SELENOT: variants seen among roughly 807,000 people sequenced by gnomAD.
The protein encoded by SELENOT is thioredoxin reductase-like selenoprotein T.
Under a neutral mutation model 24.3 loss-of-function variants are expected in SELENOT, and 9 were observed. That is an observed-to-expected ratio of 0.37 (90% confidence interval 0.22 to 0.65). The LOEUF is 0.65. SELENOT is among the 30% of genes least tolerant of loss of function. The pLI is 0.60. For missense variants in SELENOT, 166 were observed against 247.6 expected (o/e 0.67, Z 2.21); for synonymous variants, 81 against 86.0 (o/e 0.94, Z 0.32).
At position 150,628,042 on chromosome 3, in the gene SELENOT, T is replaced by C. The variant is rs917868673; in HGVS notation, c.*413T>C. The C allele has an allele frequency of 2.6e-5, 4 of 152,318 alleles. No homozygotes were observed. The highest frequency in any genetic ancestry group is 7.2e-5 in the African/African-American group (3 of 41,572). 9.4% of individuals were successfully genotyped at this position (152,318 alleles called of 1,614,324 possible). A position where few individuals can be genotyped will look rare whatever the true frequency, so the allele number is the denominator to read the frequency against. ...TGTGCTTTTATATGAATATTTGTTT[T>C]TTATAGTTTAAAATTGATCCTTTGG... On this transcript the variant is annotated 3_prime_UTR_variant, in exon 6 of 6. Coordinates refer to ENST00000471696, the MANE Select transcript of SELENOT (RefSeq NM_016275.5).
At chr3:150,610,756 G>A (rs1286670630) in intron 1 of SELENOT, among the ~76,000 whole-genome samples, 1 of 152,176 alleles carries the variant, frequency 6.6e-6, no homozygotes, top group Non-Finnish European at 1.5e-5. Context: ...GTATCCAAAT[G>A]CTGTTAACAT....
rs1726383082 is a variant in SELENOT at position 150,623,456 on chromosome 3, A to G, written c.375+287A>G. Reference sequence around the variant, plus strand: ...AATAATTTGTTATCTGATTTTGATTATATTACTTAGGTCAAATCATATCCA... The same window carrying G: ...AATAATTTGTTATCTGATTTTGATTGTATTACTTAGGTCAAATCATATCCA... On this transcript the variant is annotated intron_variant, in intron 3 of 5. Transcript: ENST00000471696. Among the ~76,000 whole-genome samples the G allele has an allele frequency of 2.0e-5, 3 of 152,242 alleles. No individual in the cohort carries two copies. In the South Asian group the frequency reaches 6.2e-4, roughly 32 times the overall value.
Position 150,605,511 on chromosome 3 carries a change from T to G in SELENOT, c.137+2012T>G, listed in dbSNP as rs551871959. The stretch of plus-strand genomic sequence containing the variant: ...TACTTTGTTTTTCTTTGTTTTTAAG[T>G]ACAGACCTGTCCCAAAAGTCTAATA... On this transcript the variant is annotated intron_variant, in intron 1 of 5. Coordinates refer to ENST00000471696, the MANE Select transcript of SELENOT (RefSeq NM_016275.5). Among the ~76,000 whole-genome samples the G allele has an allele frequency of 8.5e-5, 13 of 152,312 alleles. 1 individual carries two copies. The South Asian group carries it at 2.7e-3, about 32-fold the overall frequency.
intron 5 of SELENOT, among the ~76,000 whole-genome samples, chr3:150,627,372 T>A (rs1726467738): frequency 6.6e-6 from 1 of 152,242 alleles, no homozygotes; most frequent in African/African-American, 2.4e-5. Flanking sequence ...CTTCAAGGCT[T>A]AATGATTGGG....
intron 4 of SELENOT, 107 bp from the exon 5 acceptor site, chr3:150,626,903 A>T: frequency 6.1e-6 from 7 of 1,155,556 alleles, no homozygotes; most frequent in Admixed American, 5.6e-5. Flanking sequence ...TTTTTTGCCT[A>T]CTTTTGTATC....
Position 150,614,085 on chromosome 3 carries a change from C to G in SELENOT, c.138-8300C>G, listed in dbSNP as rs554697324. ...TGAACAGTTTTGAGTAGTGGCACCA[C>G]AGTGCCAGAAAAAGATAAACTGGGC... On this transcript the variant is annotated intron_variant, in intron 1 of 5. Transcript: ENST00000471696. Among the ~76,000 whole-genome samples, 12 of 151,956 alleles carry G rather than the reference C, an allele frequency of 7.9e-5. No individual in the cohort carries two copies. The East Asian group carries it at 2.1e-3, about 27-fold the overall frequency.
At chr3:150,604,262 G>T (rs1725908440) in intron 1 of SELENOT, among the ~76,000 whole-genome samples, 1 of 152,138 alleles carries the variant, frequency 6.6e-6, no homozygotes, top group Admixed American at 6.5e-5. Context: ...GGCAGTTTTC[G>T]ACAGTGTTCT....
chr3:150,611,737 C>T, intron 1 of SELENOT: 1 of 1,514,324 alleles, frequency 6.6e-7, no homozygotes, highest in East Asian at 2.3e-5. Flanking sequence ...AGGAGCCCGG[C>T]CTGGCCGCCC....
Position 150,603,408 on chromosome 3 carries a change from C to T in SELENOT, c.46C>T (p.Arg16Trp), listed in dbSNP as rs535843284. The change falls in exon 1 of 6, where the codon CGG becomes TGG. Residue 16 changes from arginine to tryptophan, a missense_variant. Around this residue, in one of 5 missense-constraint regions of SELENOT, gnomAD observed 46 missense variants for 49.3 expected, o/e 0.93. Coordinates refer to ENST00000471696, the MANE Select transcript of SELENOT (RefSeq NM_016275.5). ...LLLVAASAMV[R>W]SEASANLGGV... is the part of the protein sequence containing the mutation. ...CCTAGTGGCGGCGTCTGCGATGGTC[C>T]GGAGCGAGGCCTCGGCCAATCTGGG... 3 of 1,613,236 alleles carry T rather than the reference C, an allele frequency of 1.9e-6. No individual in the cohort carries two copies. The highest frequency in any genetic ancestry group is 1.1e-5 in the South Asian group (1 of 91,058).
chr3:150,626,765 C>T (rs886918753), intron 4 of SELENOT: 21 of 383,026 alleles, frequency 5.5e-5, no homozygotes, highest in Non-Finnish European at 9.3e-5. Flanking sequence ...GTGTATATGT[C>T]CCTCCTAGTA....
chr3:150,627,141 C>T lies in SELENOT; in HGVS notation c.*7C>T. 1 of 1,608,476 alleles carries T rather than the reference C, an allele frequency of 6.2e-7. No individual in the cohort carries two copies. The highest frequency in any genetic ancestry group is 8.5e-7 in the Non-Finnish European group (1 of 1,177,110). On this transcript the variant is annotated 3_prime_UTR_variant, in exon 5 of 6. Coordinates refer to ENST00000471696, the MANE Select transcript of SELENOT (RefSeq NM_016275.5). ...CCCACACCATCGATCATAGCACCACCTATCAGCACTGAAAACTCTTTTGTA... is the reference window on the plus strand; with the variant it reads ...CCCACACCATCGATCATAGCACCACTTATCAGCACTGAAAACTCTTTTGTA...
chr3:150,623,984 G>A (rs2108014461), intron 3 of SELENOT, among the ~76,000 whole-genome samples: 1 of 152,062 alleles, frequency 6.6e-6, no homozygotes, highest in Admixed American at 6.5e-5. Flanking sequence ...GCATAGCTGT[G>A]CTTCTTTTTC....
chr3:150,607,090 T>C (rs1725983559), intron 1 of SELENOT, among the ~76,000 whole-genome samples: 1 of 152,240 alleles, frequency 6.6e-6, no homozygotes, highest in South Asian at 2.1e-4. Flanking sequence ...TACTTGAACA[T>C]TTGACAACTG....
At chr3:150,615,335 T>C (rs541986923) in intron 1 of SELENOT, among the ~76,000 whole-genome samples, 19 of 151,658 alleles carry the variant, frequency 1.3e-4, no homozygotes, top group Admixed American at 9.9e-4. Context: ...TACGTGTGCA[T>C]GTGTCTTTAT....
chr3:150,615,323 C>T (rs937147848), intron 1 of SELENOT, among the ~76,000 whole-genome samples: 5 of 151,618 alleles, frequency 3.3e-5, no homozygotes, highest in African/African-American at 1.2e-4. Flanking sequence ...CCGCAATAAA[C>T]ATACGTGTGC....
intron 4 of SELENOT, among the ~76,000 whole-genome samples, chr3:150,625,226 C>T (rs1480070264): frequency 6.6e-6 from 1 of 151,932 alleles, no homozygotes; most frequent in East Asian, 1.9e-4. Context: ...GTATGATGAT[C>T]CCTGAATGTA....
intron 1 of SELENOT, among the ~76,000 whole-genome samples, chr3:150,604,377 GA>G (rs1235064529): frequency 4.6e-5 from 7 of 151,940 alleles, no homozygotes; most frequent in Non-Finnish European, 1.0e-4. Context: ...GAAGATGGGG[GA>G]AAAAACACCA....
chr3:150,617,567 A>C (rs990231304), intron 1 of SELENOT, among the ~76,000 whole-genome samples: 1 of 152,144 alleles, frequency 6.6e-6, no homozygotes, highest in African/African-American at 2.4e-5. Context: ...GATTGATTTC[A>C]GGTGACATTT....
chr3:150,615,413 T>G (rs917139416), intron 1 of SELENOT, among the ~76,000 whole-genome samples: 1 of 151,714 alleles, frequency 6.6e-6, no homozygotes, highest in African/African-American at 2.4e-5. Context: ...ATGGTATTTC[T>G]AGTTCTAGAT....
Sources: gnomAD v4.1 joint callset for allele counts (sites outside exome capture counted in the v4.1 genomes callset) on GRCh38, gnomAD v4.1.1 for gene constraint, gnomAD v4.1.1 regional missense constraint, MANE v1.5 for transcripts, NCBI Gene and HGNC (gene_info 2026-07-23, HGNC 2026-07-21) for gene names.